CADPS2: variants seen among roughly 807,000 people sequenced by gnomAD.
CADPS2 encodes calcium-dependent secretion activator 2.
In CADPS2, 93 loss-of-function variants were observed where a neutral mutation model predicts 172.5. The ratio of observed to expected loss-of-function variants is 0.54; its 90% CI spans 0.46 to 0.64. The LOEUF (loss-of-function observed/expected upper bound fraction) is 0.64. Among genes scored for constraint, CADPS2 ranks in the 30% least tolerant of loss-of-function variants. CADPS2 has a pLI of 0.00. For missense variants in CADPS2, 1,420 were observed against 1,565.9 expected (o/e 0.91, Z 1.57); for synonymous variants, 546 against 555.2 (o/e 0.98, Z 0.23).
intron 2 of CADPS2, among the ~76,000 whole-genome samples, chr7:122,666,967 C>T (rs1164656918): frequency 2.0e-5 from 3 of 152,178 alleles, no homozygotes; most frequent in Admixed American, 2.0e-4. Flanking sequence ...GGTCTGGATC[C>T]CAGCCCTGGG....
chr7:122,542,819 A>G (rs2063239792), intron 8 of CADPS2, among the ~76,000 whole-genome samples: 1 of 152,080 alleles, frequency 6.6e-6, no homozygotes, highest in Non-Finnish European at 1.5e-5. Context: ...ACATTTCATA[A>G]GAGGAGTTAA....
chr7:122,686,937 A>C (rs552585983), intron 2 of CADPS2, among the ~76,000 whole-genome samples: 1 of 152,254 alleles, frequency 6.6e-6, no homozygotes, highest in South Asian at 2.1e-4. Flanking sequence ...TGTCTGCCTC[A>C]GCTTCCCACA....
At chr7:122,873,089 C>T (rs1244077744) in intron 1 of CADPS2, among the ~76,000 whole-genome samples, 1 of 152,252 alleles carries the variant, frequency 6.6e-6, no homozygotes, top group African/African-American at 2.4e-5. Flanking sequence ...GGAAAATGAT[C>T]TTTGGAGAAA....
intron 6 of CADPS2, among the ~76,000 whole-genome samples, chr7:122,604,396 C>A (rs1489350615): frequency 2.6e-5 from 4 of 152,026 alleles, no homozygotes; most frequent in Non-Finnish European, 4.4e-5. Context: ...TTTAATGCCC[C>A]CTTAGGAACC....
chr7:122,673,859 C>G (rs1254838425), intron 2 of CADPS2, among the ~76,000 whole-genome samples: 2 of 135,280 alleles, frequency 1.5e-5, no homozygotes, highest in Non-Finnish European at 3.1e-5. Flanking sequence ...TGCCGTGGAG[C>G]AGGAGGTGGT....
At chr7:122,756,423 T>C (rs565047761) in intron 1 of CADPS2, among the ~76,000 whole-genome samples, 1 of 152,270 alleles carries the variant, frequency 6.6e-6, no homozygotes, top group East Asian at 1.9e-4. Context: ...AAGAAATGTA[T>C]ACAACCACAT....
chr7:122,617,300 A>G (rs1020662132), intron 5 of CADPS2, among the ~76,000 whole-genome samples: 1 of 152,216 alleles, frequency 6.6e-6, no homozygotes, highest in Non-Finnish European at 1.5e-5. Context: ...AAATAAAACA[A>G]TATGATTCTA....
intron 8 of CADPS2, among the ~76,000 whole-genome samples, chr7:122,534,256 C>A (rs565252618): frequency 1.3e-5 from 2 of 152,096 alleles, no homozygotes; most frequent in East Asian, 1.9e-4. Flanking sequence ...TTTAAACAAT[C>A]AAAATCATTT....
intron 25 of CADPS2, among the ~76,000 whole-genome samples, chr7:122,368,554 G>T (rs1279145408): frequency 1.3e-5 from 2 of 152,190 alleles, no homozygotes; most frequent in African/African-American, 4.8e-5. Flanking sequence ...AGGCCACCCA[G>T]GTAGGGCCCC....
chr7:122,324,932 A>G (rs576812556), intron 29 of CADPS2, among the ~76,000 whole-genome samples: 18 of 152,258 alleles, frequency 1.2e-4, no homozygotes, highest in African/African-American at 4.3e-4. Context: ...GCCTTGCCGA[A>G]CTTATGTGAT....
chr7:122,619,787 A>T (rs1375238100), intron 5 of CADPS2, among the ~76,000 whole-genome samples: 1 of 152,228 alleles, frequency 6.6e-6, no homozygotes, highest in African/African-American at 2.4e-5. Context: ...GAAATTCTAT[A>T]GGTAACATGC....
chr7:122,405,168 T>C (rs900474884), intron 20 of CADPS2, among the ~76,000 whole-genome samples: 1 of 152,192 alleles, frequency 6.6e-6, no homozygotes, highest in African/African-American at 2.4e-5. Context: ...CTTACTTACT[T>C]ATTCTCATTT....
chr7:122,420,201 C>T (rs2048380469), intron 17 of CADPS2, among the ~76,000 whole-genome samples: 1 of 152,094 alleles, frequency 6.6e-6, no homozygotes, highest in Non-Finnish European at 1.5e-5. Context: ...CACACAAATG[C>T]CCCCATTCCA....
At chr7:122,590,876 T>C (rs1197315184) in intron 6 of CADPS2, among the ~76,000 whole-genome samples, 1 of 152,004 alleles carries the variant, frequency 6.6e-6, no homozygotes, top group African/African-American at 2.4e-5. Flanking sequence ...AGTTAATTTA[T>C]ACAGCAAGTT....
At chr7:122,564,508 C>A (rs945692231) in intron 7 of CADPS2, among the ~76,000 whole-genome samples, 9 of 151,986 alleles carry the variant, frequency 5.9e-5, no homozygotes, top group African/African-American at 1.7e-4. Flanking sequence ...CCATTTTCAC[C>A]ATACTGGCCA....
At position 122,687,937 on chromosome 7, in the gene CADPS2, C is replaced by T. The variant is rs139334347; in HGVS notation, c.454-24368G>A. 5.9e-3 allele frequency among the ~76,000 whole-genome samples: 897 copies of T among 152,286 alleles called. 5 individuals are homozygous for T. Among genetic ancestry groups the T allele is most frequent in the Admixed American group, 9.4e-3 (144 of 15,298 alleles). Reference sequence around the variant, plus strand: ...TTTACATTTATCTCATTTAATTAGTCTAAGTATAGACCTATATTTCCAGCT... The same window carrying T: ...TTTACATTTATCTCATTTAATTAGTTTAAGTATAGACCTATATTTCCAGCT... On this transcript the variant is annotated intron_variant, in intron 2 of 29. Transcript: ENST00000449022.
At chr7:122,442,311 C>T (rs942295902) in intron 15 of CADPS2, among the ~76,000 whole-genome samples, 5 of 152,154 alleles carry the variant, frequency 3.3e-5, no homozygotes, top group Admixed American at 3.3e-4. Flanking sequence ...TTAAACAATA[C>T]TGAACATCAG....
chr7:122,652,712 C>T (rs1360672490), intron 3 of CADPS2, among the ~76,000 whole-genome samples: 1 of 152,088 alleles, frequency 6.6e-6, no homozygotes, highest in Non-Finnish European at 1.5e-5. Context: ...TATGAATGCG[C>T]ACCACTGCAG....
At chr7:122,636,833 G>C (rs1588022778) in intron 3 of CADPS2, among the ~76,000 whole-genome samples, 3 of 152,002 alleles carry the variant, frequency 2.0e-5, no homozygotes, top group South Asian at 4.2e-4. Flanking sequence ...CCTTGGGGTT[G>C]GTCATCTTGT....
Sources: allele counts gnomAD v4.1 joint callset (sites outside exome capture counted in the v4.1 genomes callset), GRCh38; gene constraint gnomAD v4.1.1; transcripts MANE v1.5; gene names NCBI Gene and HGNC (gene_info 2026-07-23, HGNC 2026-07-21).